The following CSMD1 variants were observed in gnomAD, a reference collection of about 807,000 sequenced individuals.
CSMD1 encodes the protein CUB and Sushi multiple domains 1.
A neutral mutation model predicts 417.5 loss-of-function variants in CSMD1; 213 were observed. The observed-to-expected ratio is 0.51, with a 90% confidence interval of 0.46 to 0.57. The LOEUF (loss-of-function observed/expected upper bound fraction) is 0.57. Among genes scored for constraint, CSMD1 ranks in the 20% least tolerant of loss-of-function variants. The pLI is 0.00. For missense variants in CSMD1, 6,923 were observed against 4,529.7 expected (o/e 1.53, Z -15.17); for synonymous variants, 2,862 against 1,736.8 (o/e 1.65, Z -16.11).
At chr8:4,796,930 T>A (rs1451800428) in intron 1 of CSMD1, among the ~76,000 whole-genome samples, 1 of 152,142 alleles carries the variant, frequency 6.6e-6, no homozygotes, top group Non-Finnish European at 1.5e-5. Flanking sequence ...TGTGGCTGCA[T>A]GGAGGGGGCA....
chr8:4,591,025 C>G (rs1307709520), intron 2 of CSMD1, among the ~76,000 whole-genome samples: 1 of 152,192 alleles, frequency 6.6e-6, no homozygotes, highest in Non-Finnish European at 1.5e-5. Context: ...TGCTGTCAAT[C>G]AATTGCATGT....
intron 2 of CSMD1, among the ~76,000 whole-genome samples, chr8:4,595,387 C>CTTTTTTTTTTTTTTCTTTTTTTTTT: frequency 2.0e-5 from 3 of 147,444 alleles, no homozygotes; most frequent in African/African-American, 7.4e-5. Context: ...CATTCATTTT[C>CTTTTTTTTTTTTTTCTTTTTTTTTT]ATTCCATCCA....
At chr8:4,770,849 A>C (rs1796564728) in intron 1 of CSMD1, among the ~76,000 whole-genome samples, 1 of 152,158 alleles carries the variant, frequency 6.6e-6, no homozygotes, top group African/African-American at 2.4e-5. Context: ...TGAAACCATG[A>C]AAATCCCAGA....
chr8:4,496,032 T>G (rs921144805), intron 2 of CSMD1, among the ~76,000 whole-genome samples: 2 of 152,170 alleles, frequency 1.3e-5, no homozygotes, highest in African/African-American at 4.8e-5. Context: ...CTTAATGTGG[T>G]CTTAATTGGC....
At chr8:4,703,892 G>A (rs981402653) in intron 1 of CSMD1, among the ~76,000 whole-genome samples, 7 of 152,144 alleles carry the variant, frequency 4.6e-5, no homozygotes, top group Non-Finnish European at 5.9e-5. Flanking sequence ...ACGGTTTTGG[G>A]ATGAAACTGT....
intron 5 of CSMD1, among the ~76,000 whole-genome samples, chr8:3,876,539 T>C (rs1186419628): frequency 6.6e-6 from 1 of 152,218 alleles, no homozygotes; most frequent in African/African-American, 2.4e-5. Flanking sequence ...TTTATTCATA[T>C]TTATTCCTAA....
chr8:4,575,049 A>C (rs1799075768), intron 2 of CSMD1, among the ~76,000 whole-genome samples: 1 of 152,188 alleles, frequency 6.6e-6, no homozygotes, highest in Non-Finnish European at 1.5e-5. Flanking sequence ...AGGTTTTTTA[A>C]AAGTATACTT....
In CSMD1 at chr8:4,424,460, G is replaced by A. The variant is rs147669658; in HGVS notation, c.303-4395C>T. The stretch of plus-strand genomic sequence containing the variant: ...ATTTACTCTACATCAATAGACATCA[G>A]AGGAATGCAAATTAAAACCACAGAG... On this transcript the variant is annotated intron_variant, in intron 2 of 69. Coordinates refer to ENST00000635120, the MANE Select transcript of CSMD1 (RefSeq NM_033225.6). Among the ~76,000 whole-genome samples, 313 of 152,078 alleles carry A rather than the reference G, an allele frequency of 2.1e-3. 2 individuals carry two copies. The highest frequency in any genetic ancestry group is 7.2e-3 in the African/African-American group (300 of 41,528).
chr8:3,985,713 C>G (rs1187411742), intron 5 of CSMD1, among the ~76,000 whole-genome samples: 2 of 151,134 alleles, frequency 1.3e-5, no homozygotes, highest in African/African-American at 4.9e-5. Flanking sequence ...CAACTTGATT[C>G]AAGAAGTTAG....
intron 26 of CSMD1, among the ~76,000 whole-genome samples, chr8:3,241,759 G>T (rs1204414724): frequency 3.3e-5 from 5 of 152,140 alleles, no homozygotes; most frequent in Non-Finnish European, 7.4e-5. Flanking sequence ...GTGTGCTGGA[G>T]ATGTGGCTGG....
intron 3 of CSMD1, among the ~76,000 whole-genome samples, chr8:4,255,494 T>C (rs576915776): frequency 6.6e-6 from 1 of 152,240 alleles, no homozygotes; most frequent in South Asian, 2.1e-4. Flanking sequence ...AGATCTCATT[T>C]GAAATGTGCA....
At chr8:4,036,539 T>C (rs1039201603) in intron 3 of CSMD1, among the ~76,000 whole-genome samples, 2 of 152,226 alleles carry the variant, frequency 1.3e-5, no homozygotes, top group African/African-American at 2.4e-5. Flanking sequence ...AAATTGAATA[T>C]GAAAAATATT....
chr8:3,838,456 T>C (rs1422879262), intron 5 of CSMD1, among the ~76,000 whole-genome samples: 2 of 147,588 alleles, frequency 1.4e-5, no homozygotes, highest in African/African-American at 5.0e-5. Flanking sequence ...ACTATACATA[T>C]ATAGGCTATA....
chr8:4,351,401 G>A (rs951256434), intron 3 of CSMD1, among the ~76,000 whole-genome samples: 5 of 152,190 alleles, frequency 3.3e-5, no homozygotes, highest in East Asian at 1.9e-4. Context: ...CATAGCCCAT[G>A]CTGGCTGTTA....
chr8:3,910,720 G>A (rs1290742825), intron 5 of CSMD1, among the ~76,000 whole-genome samples: 1 of 152,076 alleles, frequency 6.6e-6, no homozygotes, highest in Non-Finnish European at 1.5e-5. Context: ...AGACCATTAA[G>A]GATATAAAAA....
intron 52 of CSMD1, among the ~76,000 whole-genome samples, chr8:3,002,269 T>C (rs562354172): frequency 2.6e-5 from 4 of 152,298 alleles, no homozygotes; most frequent in Admixed American, 6.5e-5. Context: ...ACAGAGGACA[T>C]TGTCTCTGAA....
intron 52 of CSMD1, among the ~76,000 whole-genome samples, chr8:3,004,240 CTTTG>C (rs1451315069): frequency 2.0e-5 from 3 of 152,104 alleles, no homozygotes; most frequent in African/African-American, 7.2e-5. Flanking sequence ...ATTTTGCAGA[CTTTG>C]TTTATTTATT....
rs1186992242 is a variant in CSMD1 at position 4,486,130 on chromosome 8, TATATATACATAC to T, written c.303-66077_303-66066del. 7.6e-3 allele frequency among the ~76,000 whole-genome samples: 243 copies of T among 32,098 alleles called. 3 individuals carry two copies. Among genetic ancestry groups the T allele is most frequent in the African/African-American group, 0.027 (226 of 8,460 alleles). 21.1% of individuals were successfully genotyped at this position (32,098 alleles called of 152,430 possible). A position where few individuals can be genotyped will look rare whatever the true frequency, so the allele number is the denominator to read the frequency against. ...GTATGTATATATACATACATATATA[TATATATACATAC>T]ATATATATATATATACATACATATA... On this transcript the variant is annotated intron_variant, in intron 2 of 69. Transcript: ENST00000635120.
intron 27 of CSMD1, among the ~76,000 whole-genome samples, chr8:3,225,182 T>G (rs972452957): frequency 2.0e-5 from 3 of 151,460 alleles, no homozygotes; most frequent in African/African-American, 7.3e-5. Flanking sequence ...AAATACTTAT[T>G]TAACATTTCT....
Sources: allele counts gnomAD v4.1 joint callset (sites outside exome capture counted in the v4.1 genomes callset), GRCh38; gene constraint gnomAD v4.1.1; transcripts MANE v1.5; gene names NCBI Gene and HGNC (gene_info 2026-07-23, HGNC 2026-07-21).